Variants in ACCSL observed in about 807,000 individuals in gnomAD.
ACCSL encodes the protein probable inactive 1-aminocyclopropane-1-carboxylate synthase-like protein 2.
ACCSL carries 55 observed loss-of-function variants against 61.7 expected under a neutral mutation model. The ratio of observed to expected loss-of-function variants is 0.89; its 90% CI spans 0.72 to 1.12. The LOEUF (loss-of-function observed/expected upper bound fraction) is 1.12, where lower values mean the gene tolerates loss of function less well. Among genes scored for constraint, ACCSL ranks in the 50% most tolerant of loss-of-function variants. ACCSL has a pLI of 0.00. For missense variants in ACCSL, 632 were observed against 698.0 expected, an observed-to-expected ratio of 0.91 and a Z score of 1.07; for synonymous variants, 258 against 264.3, an observed-to-expected ratio of 0.98 and a Z score of 0.23.
chr11:43,929,794 C>T, the ACCSL span, among the ~76,000 whole-genome samples: 1 of 152,224 alleles, frequency 6.6e-6, no homozygotes, highest in Admixed American at 6.5e-5. Context: ...ATCCTCCCTC[C>T]TCAGGCCTCC....
the ACCSL span, among the ~76,000 whole-genome samples, chr11:43,937,276 G>T: frequency 2.0e-5 from 3 of 152,204 alleles, no homozygotes; most frequent in African/African-American, 7.2e-5. Context: ...GGACAGTACA[G>T]TGTCAACAGA....
chr11:43,943,417 C>T, the ACCSL span: 3 of 1,436,822 alleles, frequency 2.1e-6, no homozygotes, highest in Non-Finnish European at 1.8e-6. The surrounding 1 kb of genome is among the most constrained non-coding windows in gnomAD (Gnocchi z 4.8). Flanking sequence ...ACTCCCGCCC[C>T]GCTGCGAACC....
the ACCSL span, among the ~76,000 whole-genome samples, chr11:43,962,421 G>A: frequency 6.6e-6 from 1 of 152,216 alleles, no homozygotes; most frequent in Middle Eastern, 3.2e-3. Flanking sequence ...GAAAAGAGAT[G>A]ACGTTCGCAA....
At chr11:43,988,312 G>A in the ACCSL span, among the ~76,000 whole-genome samples, 1 of 152,118 alleles carries the variant, frequency 6.6e-6, no homozygotes, top group Admixed American at 6.5e-5. Flanking sequence ...ACGGGGGTTC[G>A]TTTGCCTGGT....
At chr11:44,035,168 C>G in the ACCSL span, among the ~76,000 whole-genome samples, 1 of 152,098 alleles carries the variant, frequency 6.6e-6, no homozygotes, top group Admixed American at 6.6e-5. Context: ...TCCTACCCAA[C>G]TTGAGTTTTC....
At chr11:43,967,809 TTTCTTTCAG>T in the ACCSL span, among the ~76,000 whole-genome samples, 31 of 152,320 alleles carry the variant, frequency 2.0e-4, no homozygotes, top group African/African-American at 7.2e-4. Flanking sequence ...TTGGTAGAAG[TTTCTTTCAG>T]GGAATGGAAT....
At chr11:43,975,622 AC>A in the ACCSL span, among the ~76,000 whole-genome samples, 1 of 152,188 alleles carries the variant, frequency 6.6e-6, no homozygotes, top group Non-Finnish European at 1.5e-5. Context: ...GACAGTGTAA[AC>A]CCTAAAAACA....
chr11:43,953,753 A>C, the ACCSL span, among the ~76,000 whole-genome samples: 2 of 152,098 alleles, frequency 1.3e-5, no homozygotes, highest in African/African-American at 4.8e-5. Flanking sequence ...AACTCTGAGA[A>C]TTGCCCACTC....
At chr11:44,045,965 C>CTTGG (rs1370374294), upstream of ACCSL, among the ~76,000 whole-genome samples, 1 of 152,168 alleles carries the variant, frequency 6.6e-6, no homozygotes, top group Non-Finnish European at 1.5e-5. Context: ...CCACCCCGAT[C>CTTGG]TTGGCTCTTT....
chr11:44,050,130 G>GT lies in ACCSL; in HGVS notation c.564+11dup, dbSNP rs746180065. The GT allele has an allele frequency of 3.1e-5, 50 of 1,612,662 alleles. No individual in the cohort carries two copies. The highest frequency in any genetic ancestry group is 4.1e-5 in the Non-Finnish European group (48 of 1,178,776). ...ATCTGATGACTGAAAGAGTAAGGAT[G>GT]TTCTGGGCTGTGTTGGGACCCACCC... On this transcript the variant is annotated intron_variant, in intron 2 of 13. Coordinates refer to ENST00000378832, the MANE Select transcript of ACCSL (RefSeq NM_001031854.2).
At chr11:44,049,879 T>G in intron 1 of ACCSL, 183 bp from the exon 2 acceptor site, 1 of 705,428 alleles carries the variant, frequency 1.4e-6, no homozygotes, top group Non-Finnish European at 2.5e-6. Context: ...GTGGCTCTAA[T>G]GGGGAAATTT....
At chr11:44,003,670 T>C in the ACCSL span, among the ~76,000 whole-genome samples, 1 of 151,490 alleles carries the variant, frequency 6.6e-6, no homozygotes. Flanking sequence ...ATTAATTACA[T>C]TGGGCAACTG....
chr11:43,935,279 G>A, the ACCSL span, among the ~76,000 whole-genome samples: 1 of 152,236 alleles, frequency 6.6e-6, no homozygotes, highest in Non-Finnish European at 1.5e-5. Flanking sequence ...TGTACAAGCG[G>A]TGGCTGGGCC....
chr11:43,998,778 G>C, the ACCSL span, among the ~76,000 whole-genome samples: 2 of 68,342 alleles, frequency 2.9e-5, no homozygotes, highest in African/African-American at 1.1e-4. Flanking sequence ...TTTTTTTTTT[G>C]AGACAATGTC....
At chr11:44,016,615 T>C in the ACCSL span, among the ~76,000 whole-genome samples, 3 of 151,572 alleles carry the variant, frequency 2.0e-5, no homozygotes, top group African/African-American at 7.3e-5. Flanking sequence ...GGGAAAAGGG[T>C]GGGTGGTCCT....
the ACCSL span, among the ~76,000 whole-genome samples, chr11:43,939,484 T>C: frequency 0.22 from 33,991 of 151,962 alleles, 4,289 homozygotes; most frequent in African/African-American, 0.33. Context: ...GGATGGTGGG[T>C]TTTAATAAGC....
At chr11:44,043,527 G>A (rs1453136269), upstream of ACCSL, among the ~76,000 whole-genome samples, 1 of 152,032 alleles carries the variant, frequency 6.6e-6, no homozygotes, top group African/African-American at 2.4e-5. Flanking sequence ...CTTGTTTTTT[G>A]TAGTTTCACT....
upstream of ACCSL, among the ~76,000 whole-genome samples, chr11:44,043,074 C>T (rs1429065243): frequency 6.6e-6 from 1 of 151,850 alleles, no homozygotes; most frequent in Admixed American, 6.6e-5. Context: ...CAGAGTGAGA[C>T]CCTGTCTCAA....
chr11:44,058,764 C>A (rs2134778759), intron 13 of ACCSL, 65 bp downstream of exon 13: 2 of 1,536,026 alleles, frequency 1.3e-6, no homozygotes, highest in South Asian at 2.5e-5. Flanking sequence ...CAATCTTCTC[C>A]CCCACCCCCC....
Sources: allele counts gnomAD v4.1 joint callset (sites outside exome capture counted in the v4.1 genomes callset), GRCh38; gene constraint gnomAD v4.1.1; non-coding constraint Gnocchi (gnomAD v3.1); transcripts MANE v1.5; gene names NCBI Gene and HGNC (gene_info 2026-07-23, HGNC 2026-07-21).